Variants in PTPRD observed in about 807,000 individuals in gnomAD.
The protein encoded by PTPRD is protein tyrosine phosphatase receptor type D.
In PTPRD, 34 loss-of-function variants were observed where a neutral mutation model predicts 214.5. That is an observed-to-expected ratio of 0.16 (90% CI 0.12 to 0.21). The LOEUF (loss-of-function observed/expected upper bound fraction) is 0.21. Among genes scored for constraint, PTPRD ranks in the 10% least tolerant of loss-of-function variants. The pLI is 1.00. For missense variants in PTPRD, 2,545 were observed against 2,398.7 expected (o/e 1.06, Z -1.27); for synonymous variants, 1,128 against 845.7 (o/e 1.33, Z -5.79).
chr9:10,548,825 T>TCTC (rs1369418496), intron 2 of PTPRD, among the ~76,000 whole-genome samples: 3 of 151,936 alleles, frequency 2.0e-5, no homozygotes, highest in Admixed American at 6.6e-5. Context: ...AATTATAAAG[T>TCTC]CTCCATGGGG....
At chr9:9,598,543 C>A (rs1387962414) in intron 7 of PTPRD, among the ~76,000 whole-genome samples, 1 of 151,866 alleles carries the variant, frequency 6.6e-6, no homozygotes, top group Non-Finnish European at 1.5e-5. Context: ...ATACAGAATA[C>A]AGTTTTTGAA....
At chr9:8,949,697 A>G (rs2099091378) in intron 11 of PTPRD, among the ~76,000 whole-genome samples, 1 of 152,138 alleles carries the variant, frequency 6.6e-6, no homozygotes, top group Non-Finnish European at 1.5e-5. Context: ...AATATTCTTT[A>G]TTTAATAATT....
At chr9:9,346,427 C>T (rs1442577326) in intron 9 of PTPRD, among the ~76,000 whole-genome samples, 1 of 152,010 alleles carries the variant, frequency 6.6e-6, no homozygotes, top group African/African-American at 2.4e-5. Context: ...AAAGTTATTA[C>T]CATAATAATT....
chr9:10,600,625 A>T (rs2077726075), intron 2 of PTPRD, among the ~76,000 whole-genome samples: 1 of 151,830 alleles, frequency 6.6e-6, no homozygotes, highest in African/African-American at 2.4e-5. Context: ...ACAACATAAA[A>T]TTTAGCTAGA....
intron 4 of PTPRD, among the ~76,000 whole-genome samples, chr9:9,945,461 G>C (rs946124201): frequency 6.6e-6 from 1 of 152,114 alleles, no homozygotes; most frequent in East Asian, 1.9e-4. Flanking sequence ...AAGTAAAATG[G>C]AGCTGTTAAT....
At chr9:8,843,181 A>C (rs1338042635) in intron 11 of PTPRD, among the ~76,000 whole-genome samples, 1 of 152,214 alleles carries the variant, frequency 6.6e-6, no homozygotes, top group Non-Finnish European at 1.5e-5. Context: ...GAAAGGTGGA[A>C]CTGATAGTAC....
chr9:8,595,288 GA>G (rs2094419809), intron 14 of PTPRD, among the ~76,000 whole-genome samples: 1 of 151,490 alleles, frequency 6.6e-6, no homozygotes, highest in East Asian at 1.9e-4. Flanking sequence ...AGCTTACTCT[GA>G]AAAATAGTTT....
intron 10 of PTPRD, among the ~76,000 whole-genome samples, chr9:9,149,242 G>C (rs1469478940): frequency 6.6e-6 from 1 of 152,208 alleles, no homozygotes; most frequent in Non-Finnish European, 1.5e-5. Flanking sequence ...AGGATGACAT[G>C]AGATAATCCA....
intron 5 of PTPRD, among the ~76,000 whole-genome samples, chr9:9,902,833 G>C (rs2076711841): frequency 6.6e-6 from 1 of 152,124 alleles, no homozygotes; most frequent in Non-Finnish European, 1.5e-5. Context: ...ACTGTAGTAT[G>C]AATTGCGTTT....
intron 10 of PTPRD, among the ~76,000 whole-genome samples, chr9:9,049,891 G>C (rs2099681371): frequency 6.6e-6 from 1 of 152,176 alleles, no homozygotes; most frequent in African/African-American, 2.4e-5. Context: ...CCCCAACTTT[G>C]AGATTAGAAA....
At chr9:9,849,997 T>C (rs558530593) in intron 5 of PTPRD, among the ~76,000 whole-genome samples, 13 of 152,242 alleles carry the variant, frequency 8.5e-5, no homozygotes, top group African/African-American at 2.6e-4. Context: ...AGAGATGGCA[T>C]TGATAAACAC....
At chr9:10,099,013 A>G (rs1212158658) in intron 3 of PTPRD, among the ~76,000 whole-genome samples, 4 of 151,788 alleles carry the variant, frequency 2.6e-5, no homozygotes, top group Admixed American at 6.6e-5. Context: ...TGACAATATC[A>G]TCTTTTGGAA....
At chr9:9,339,611 A>C (rs2045984934) in intron 9 of PTPRD, among the ~76,000 whole-genome samples, 1 of 152,194 alleles carries the variant, frequency 6.6e-6, no homozygotes, top group Non-Finnish European at 1.5e-5. Flanking sequence ...TGAATAAATT[A>C]AATGTATGCA....
chr9:9,822,979 A>C (rs2051318547), intron 5 of PTPRD, among the ~76,000 whole-genome samples: 2 of 152,170 alleles, frequency 1.3e-5, no homozygotes, highest in Non-Finnish European at 1.5e-5. Context: ...CTTATCCAAA[A>C]GAAAGAAAAT....
intron 11 of PTPRD, among the ~76,000 whole-genome samples, chr9:8,964,362 T>C (rs1044250607): frequency 6.6e-6 from 1 of 151,888 alleles, no homozygotes; most frequent in African/African-American, 2.4e-5. Flanking sequence ...TTCATAATAG[T>C]TTCTGAGGAT....
Position 8,733,946 on chromosome 9 carries a change from C to CT in PTPRD, c.-103-1_-103insA. The CT allele has an allele frequency of 2.6e-6, 3 of 1,164,956 alleles. No individual in the cohort carries two copies. The highest frequency in any genetic ancestry group is 3.7e-6 in the Non-Finnish European group (3 of 809,960). 72.2% of individuals were successfully genotyped at this position (1,164,956 alleles called of 1,614,324 possible). A position where few individuals can be genotyped will look rare whatever the true frequency, so the allele number is the denominator to read the frequency against. ...AATTTCAGCTGGAACACTTTCAGAG[C>CT]CTGAAAGCGGGGAGGAAGAGAAAAG... On this transcript the variant is annotated splice_region_variant and 5_prime_UTR_variant. Coordinates refer to ENST00000381196, the MANE Select transcript of PTPRD (RefSeq NM_002839.4).
intron 5 of PTPRD, among the ~76,000 whole-genome samples, chr9:9,811,683 G>C (rs1209286804): frequency 6.6e-6 from 1 of 152,110 alleles, no homozygotes; most frequent in African/African-American, 2.4e-5. Flanking sequence ...CTCCAGCCTG[G>C]GTGACAGAGC....
At chr9:8,687,101 G>A (rs1253532798) in intron 12 of PTPRD, among the ~76,000 whole-genome samples, 5 of 152,112 alleles carry the variant, frequency 3.3e-5, no homozygotes, top group African/African-American at 1.2e-4. Context: ...GATACATTCT[G>A]AATGCAGCAA....
chr9:10,067,509 C>G (rs979207117), intron 3 of PTPRD, among the ~76,000 whole-genome samples: 3 of 151,884 alleles, frequency 2.0e-5, no homozygotes, highest in South Asian at 4.1e-4. Context: ...AGTGAGATAT[C>G]TAACAATTCT....
Sources: allele counts gnomAD v4.1 joint callset (sites outside exome capture counted in the v4.1 genomes callset), GRCh38; gene constraint gnomAD v4.1.1; transcripts MANE v1.5; gene names NCBI Gene and HGNC (gene_info 2026-07-23, HGNC 2026-07-21).